The following PCDH7 variants were observed in gnomAD, a reference collection of about 807,000 sequenced individuals.
PCDH7 encodes protocadherin-7.
PCDH7 carries 17 observed loss-of-function variants against 58.9 expected under a neutral mutation model. The observed-to-expected ratio is 0.29, with a 90% CI of 0.20 to 0.43. The LOEUF (loss-of-function observed/expected upper bound fraction) is 0.43, where lower values mean the gene tolerates loss of function less well. PCDH7 is among the 20% of genes least tolerant of loss of function. The probability of loss-of-function intolerance (pLI) is 1.00; values close to 1 mark genes in which losing one functional copy is unlikely to be tolerated. For missense variants in PCDH7, 1,274 were observed against 1,441.0 expected, an observed-to-expected ratio of 0.88 and a Z score of 1.88; for synonymous variants, 664 against 616.4, an observed-to-expected ratio of 1.08 and a Z score of -1.14.
chr4:31,105,506 C>A (rs1715443083), intron 3 of PCDH7, among the ~76,000 whole-genome samples: 1 of 151,910 alleles, frequency 6.6e-6, no homozygotes, highest in South Asian at 2.1e-4. Context: ...GGCTCTATAC[C>A]CTGGAGGTGC....
chr4:31,049,515 A>G (rs1756575068), intron 3 of PCDH7, among the ~76,000 whole-genome samples: 1 of 152,076 alleles, frequency 6.6e-6, no homozygotes, highest in South Asian at 2.1e-4. Flanking sequence ...AGTAACAGGG[A>G]TAGGGCTTAA....
intron 3 of PCDH7, among the ~76,000 whole-genome samples, chr4:30,951,021 T>G (rs1479132424): frequency 6.6e-6 from 1 of 152,142 alleles, no homozygotes; most frequent in Non-Finnish European, 1.5e-5. Flanking sequence ...TGCAGGGGCT[T>G]GTTTTGATGT....
At chr4:30,771,611 A>T (rs1721410323) in intron 1 of PCDH7, among the ~76,000 whole-genome samples, 2 of 152,320 alleles carry the variant, frequency 1.3e-5, no homozygotes, top group African/African-American at 4.8e-5. Context: ...GTGATTTTTA[A>T]ATTTTGTTTT....
intron 2 of PCDH7, among the ~76,000 whole-genome samples, chr4:30,942,640 T>C (rs1025509858): frequency 6.6e-6 from 1 of 152,056 alleles, no homozygotes; most frequent in African/African-American, 2.4e-5. Context: ...CTTAAAAAAA[T>C]TATTTTCTAG....
At chr4:30,909,069 A>AT (rs1458509901) in intron 1 of PCDH7, among the ~76,000 whole-genome samples, 1 of 152,176 alleles carries the variant, frequency 6.6e-6, no homozygotes, top group Non-Finnish European at 1.5e-5. Context: ...AACAGAACCA[A>AT]TGACGAAAAT....
chr4:30,755,337 T>C (rs1156264868), intron 1 of PCDH7, among the ~76,000 whole-genome samples: 2 of 152,182 alleles, frequency 1.3e-5, no homozygotes, highest in Non-Finnish European at 2.9e-5. Context: ...ATTGCTTTTA[T>C]TGAGAGAAAT....
rs867970637 is a variant in PCDH7 at position 30,931,408 on chromosome 4, T to C, written c.287+11039T>C. Among the ~76,000 whole-genome samples, 2 of 152,078 alleles carry C rather than the reference T, an allele frequency of 1.3e-5. 1 individual carries two copies. Among genetic ancestry groups the C allele is most frequent in the East Asian group, 3.9e-4 (2 of 5,172 alleles). On this transcript the variant is annotated intron_variant, in intron 2 of 3. Transcript: ENST00000509759. Reference sequence around the variant, plus strand: ...CTGACCAACATGGAGAAACCCTGTTTGTATTAAAAATACAAAATTAGCTGG... The same window carrying C: ...CTGACCAACATGGAGAAACCCTGTTCGTATTAAAAATACAAAATTAGCTGG...
rs1439686819 is a variant in PCDH7 at position 30,723,073 on chromosome 4, G to C, written c.1651G>C (p.Gly551Arg). 1.2e-6 allele frequency: 2 copies of C among 1,613,776 alleles called. No individual in the cohort carries two copies. The highest frequency in any genetic ancestry group is 2.7e-5 in the African/African-American group (2 of 74,920). The change falls in exon 1 of 2, where the codon GGC (glycine) becomes CGC (arginine). Residue 551 changes from glycine to arginine, a missense_variant. Around this residue, in one of 3 missense-constraint regions of PCDH7, gnomAD observed 731 missense variants for 881.9 expected, o/e 0.83. Coordinates refer to ENST00000361762, the Ensembl canonical transcript of PCDH7. This position sits in a 1 kb window ranked among gnomAD's most constrained non-coding sequence, Gnocchi z 4.6. ...TTACTTCCCTGAGAACAACATCCCG[G>C]GCGAGAGGGTGGCCACGGTGCTGGC...
intron 1 of PCDH7, chr4:30,868,912 C>T (rs958436778): frequency 5.3e-5 from 8 of 151,848 alleles, no homozygotes. Context: ...GTTTTATCTG[C>T]AAAATAGTTC....
At chr4:30,826,200 C>A (rs1250605483) in intron 1 of PCDH7, among the ~76,000 whole-genome samples, 3 of 152,070 alleles carry the variant, frequency 2.0e-5, no homozygotes, top group East Asian at 1.9e-4. Context: ...ATTTCAAGGA[C>A]CTATATTGAG....
chr4:31,069,690 T>C (rs576918585), intron 3 of PCDH7, among the ~76,000 whole-genome samples: 30 of 152,156 alleles, frequency 2.0e-4, no homozygotes, highest in African/African-American at 6.7e-4. Context: ...AGCCTATCTA[T>C]GAATGAAATA....
intron 3 of PCDH7, among the ~76,000 whole-genome samples, chr4:31,123,383 G>A (rs1368515979): frequency 6.6e-6 from 1 of 152,144 alleles, no homozygotes; most frequent in Non-Finnish European, 1.5e-5. Flanking sequence ...TAGTGAGATG[G>A]GAGAGATCAC....
chr4:31,102,938 G>C (rs757256408), intron 3 of PCDH7, among the ~76,000 whole-genome samples: 1 of 152,034 alleles, frequency 6.6e-6, no homozygotes, highest in South Asian at 2.1e-4. Flanking sequence ...AGAACTCTAC[G>C]ACAAATATAT....
chr4:30,863,794 C>T (rs1734515935), intron 1 of PCDH7, among the ~76,000 whole-genome samples: 1 of 152,046 alleles, frequency 6.6e-6, no homozygotes, highest in Admixed American at 6.6e-5. Context: ...TTTCAGAATG[C>T]TTGTGGGTTT....
At chr4:30,889,854 C>G (rs1313081087) in intron 1 of PCDH7, among the ~76,000 whole-genome samples, 3 of 152,130 alleles carry the variant, frequency 2.0e-5, no homozygotes, top group African/African-American at 4.8e-5. Flanking sequence ...TTGGGAGGGA[C>G]ACAGACATAA....
chr4:30,974,560 C>G (rs1356207871), intron 3 of PCDH7, among the ~76,000 whole-genome samples: 1 of 152,026 alleles, frequency 6.6e-6, no homozygotes, highest in East Asian at 1.9e-4. Flanking sequence ...CTAGAAACTA[C>G]CAGTTGTGTG....
At chr4:30,741,894 A>G (rs1717132799) in intron 1 of PCDH7, among the ~76,000 whole-genome samples, 1 of 152,226 alleles carries the variant, frequency 6.6e-6, no homozygotes, top group Non-Finnish European at 1.5e-5. Flanking sequence ...GGAGGGTTCA[A>G]GAGAAGAAGA....
intron 3 of PCDH7, among the ~76,000 whole-genome samples, chr4:31,088,843 A>G (rs1712835040): frequency 6.6e-6 from 1 of 152,084 alleles, no homozygotes. Flanking sequence ...CCTACGTAGT[A>G]GAGTGTAATA....
At chr4:31,114,632 AAC>A (rs34203962) in intron 3 of PCDH7, among the ~76,000 whole-genome samples, 38,975 of 143,462 alleles carry the variant, frequency 0.27, 5,131 homozygotes, top group South Asian at 0.41. Context: ...CACACATACA[AAC>A]ACACACACAC....
Sources: gnomAD v4.1 joint callset for allele counts (sites outside exome capture counted in the v4.1 genomes callset) on GRCh38, gnomAD v4.1.1 for gene constraint, gnomAD v4.1.1 regional missense constraint, Gnocchi (gnomAD v3.1) non-coding constraint, MANE v1.5 for transcripts, NCBI Gene and HGNC (gene_info 2026-07-23, HGNC 2026-07-21) for gene names.